RBPMS: variants seen among roughly 807,000 people sequenced by gnomAD.
RBPMS encodes the protein RNA-binding protein with multiple splicing.
In RBPMS, 7 loss-of-function variants were observed where a neutral mutation model predicts 26.8. The observed-to-expected ratio is 0.26, with a 90% confidence interval of 0.15 to 0.49. The LOEUF (loss-of-function observed/expected upper bound fraction) is 0.49. RBPMS is among the 20% of genes least tolerant of loss of function. The probability of loss-of-function intolerance (pLI) is 0.98; values close to 1 mark genes in which losing one functional copy is unlikely to be tolerated. For synonymous variants in RBPMS, 96 were observed against 93.3 expected, an observed-to-expected ratio of 1.03 and a Z score of -0.17; for missense variants, 186 against 250.0, an observed-to-expected ratio of 0.74 and a Z score of 1.73.
rs184409492 is a variant in RBPMS, at chr8:30,458,248, A to G, written c.67-16531A>G. Among the ~76,000 whole-genome samples, 279 of 152,296 alleles carry G rather than the reference A, an allele frequency of 1.8e-3. 2 individuals are homozygous for G. The highest frequency in any genetic ancestry group is 6.5e-3 in the African/African-American group (269 of 41,572). On this transcript the variant is annotated intron_variant, in intron 1 of 8. Transcript: ENST00000397323. Reference sequence around the variant, plus strand: ...TTTTGATCTGTGGTTGGTTGAATCCATGATGTGGAACTCACAGATAGCAAG... The same window carrying G: ...TTTTGATCTGTGGTTGGTTGAATCCGTGATGTGGAACTCACAGATAGCAAG...
chr8:30,477,847 T>C lies in RBPMS; in HGVS notation c.183+10T>C. On this transcript the variant is annotated intron_variant, in intron 3 of 8. Coordinates refer to ENST00000397323, the MANE Select transcript of RBPMS (RefSeq NM_001008710.3). ...GCTCACATCTAAACAGGTAAGAATT[T>C]CAAAGTGGCATATAAAGATCACTTT... is the stretch of plus-strand genomic sequence containing the variant. The C allele has an allele frequency of 6.3e-7, 1 of 1,583,862 alleles. No homozygotes were observed. Among genetic ancestry groups the C allele is most frequent in the East Asian group, 2.2e-5 (1 of 44,686 alleles).
At chr8:30,415,377 T>C (rs1809942249) in intron 1 of RBPMS, among the ~76,000 whole-genome samples, 1 of 152,238 alleles carries the variant, frequency 6.6e-6, no homozygotes, top group Non-Finnish European at 1.5e-5. Flanking sequence ...CAGTCCTTGC[T>C]GTCTTCAGGA....
chr8:30,434,652 G>A (rs1257299421), intron 1 of RBPMS, among the ~76,000 whole-genome samples: 4 of 150,652 alleles, frequency 2.7e-5, no homozygotes, highest in Admixed American at 2.0e-4. Context: ...TGCTGGGAGC[G>A]GAGATGGCAC....
At chr8:30,458,799 C>T (rs922862031) in intron 1 of RBPMS, among the ~76,000 whole-genome samples, 16 of 152,270 alleles carry the variant, frequency 1.1e-4, no homozygotes, top group Middle Eastern at 6.8e-3. Flanking sequence ...GCAGCCTCAA[C>T]CTCCTGGGCT....
intron 1 of RBPMS, among the ~76,000 whole-genome samples, chr8:30,461,434 G>T (rs1047164471): frequency 6.6e-6 from 1 of 152,068 alleles, no homozygotes; most frequent in Admixed American, 6.6e-5. Flanking sequence ...TCGCCCTGTC[G>T]CCCAGGCTGG....
At chr8:30,431,964 A>G (rs572389607) in intron 1 of RBPMS, among the ~76,000 whole-genome samples, 2 of 151,736 alleles carry the variant, frequency 1.3e-5, no homozygotes, top group East Asian at 2.0e-4. Flanking sequence ...TTACAAAAAC[A>G]TTAAAAAAAA....
chr8:30,516,496 A>C lies in RBPMS; in HGVS notation c.397+12060A>C, dbSNP rs116250167. Among the ~76,000 whole-genome samples, 1,133 of 152,320 alleles carry C rather than the reference A, an allele frequency of 7.4e-3. 12 individuals are homozygous for C. Among genetic ancestry groups the C allele is most frequent in the African/African-American group, 0.026 (1,068 of 41,574 alleles). ...GACTAGCCCACGAGTAACTGGTTGT[A>C]TGATGAGCTGGATAACATACCAGCC... On this transcript the variant is annotated intron_variant, in intron 5 of 8. Transcript: ENST00000397323.
chr8:30,527,936 G>C (rs1307861126), intron 5 of RBPMS, among the ~76,000 whole-genome samples: 1 of 152,340 alleles, frequency 6.6e-6, no homozygotes, highest in East Asian at 1.9e-4. Flanking sequence ...AGCACTTCGG[G>C]AAGCCAAGGC....
intron 1 of RBPMS, among the ~76,000 whole-genome samples, chr8:30,387,694 A>G (rs1314425918): frequency 1.3e-5 from 2 of 152,228 alleles, no homozygotes; most frequent in Non-Finnish European, 2.9e-5. Flanking sequence ...TTAAGGGAAA[A>G]TAGTTTATTT....
intron 1 of RBPMS, among the ~76,000 whole-genome samples, chr8:30,456,429 C>T (rs1444876736): frequency 6.6e-6 from 1 of 152,044 alleles, no homozygotes; most frequent in Non-Finnish European, 1.5e-5. Flanking sequence ...GTCCATAGTA[C>T]TTTTGACACA....
intron 5 of RBPMS, chr8:30,537,485 T>C: frequency 2.2e-6 from 1 of 447,548 alleles, no homozygotes; most frequent in Non-Finnish European, 4.5e-6. Flanking sequence ...TCAGTCTGGC[T>C]GAGAACCCGC....
At chr8:30,417,895 A>G (rs1236337690) in intron 1 of RBPMS, among the ~76,000 whole-genome samples, 2 of 152,186 alleles carry the variant, frequency 1.3e-5, no homozygotes, top group African/African-American at 4.8e-5. Context: ...GTAATTAAAA[A>G]TGTGAATTTT....
chr8:30,391,920 A>G (rs1043781580), intron 1 of RBPMS, among the ~76,000 whole-genome samples: 1 of 151,900 alleles, frequency 6.6e-6, no homozygotes, highest in Non-Finnish European at 1.5e-5. Flanking sequence ...CCTAACTTTT[A>G]TTGAGTATTT....
chr8:30,544,206 C>T (rs1164465285), intron 5 of RBPMS, among the ~76,000 whole-genome samples: 3 of 152,084 alleles, frequency 2.0e-5, no homozygotes, highest in African/African-American at 7.3e-5. Flanking sequence ...GTTTTGGGTT[C>T]CCCAGCTACA....
intron 1 of RBPMS, among the ~76,000 whole-genome samples, chr8:30,464,755 GAGAA>G (rs1374148164): frequency 6.6e-6 from 1 of 152,154 alleles, no homozygotes. Context: ...TATGCAAAAA[GAGAA>G]AGGAAGAGAG....
chr8:30,481,510 G>A (rs1225665666), intron 4 of RBPMS, among the ~76,000 whole-genome samples: 45 of 151,540 alleles, frequency 3.0e-4, no homozygotes, highest in Admixed American at 3.0e-3. Flanking sequence ...TTGAGGTCTG[G>A]TTTTAGGTTA....
chr8:30,510,093 T>TA (rs1181234943), intron 5 of RBPMS, among the ~76,000 whole-genome samples: 2 of 152,186 alleles, frequency 1.3e-5, no homozygotes, highest in African/African-American at 2.4e-5. Context: ...CCGAAAATAA[T>TA]ACCTGGGCTC....
intron 5 of RBPMS, among the ~76,000 whole-genome samples, chr8:30,542,427 C>G (rs1204399805): frequency 6.6e-6 from 1 of 152,172 alleles, no homozygotes; most frequent in Non-Finnish European, 1.5e-5. Context: ...TTAAAAGTTT[C>G]TAAAGGAAGG....
At chr8:30,495,566 T>C in intron 4 of RBPMS, among the ~76,000 whole-genome samples, 1 of 152,102 alleles carries the variant, frequency 6.6e-6, no homozygotes, top group East Asian at 1.9e-4. Flanking sequence ...GAGTATTAAA[T>C]CAGATTATTC....
Sources: gnomAD v4.1 joint callset for allele counts (sites outside exome capture counted in the v4.1 genomes callset) on GRCh38, gnomAD v4.1.1 for gene constraint, MANE v1.5 for transcripts, NCBI Gene and HGNC (gene_info 2026-07-23, HGNC 2026-07-21) for gene names.